Variants in ATP10B observed in about 807,000 individuals in gnomAD.
The protein encoded by ATP10B is ATPase phospholipid transporting 10B (putative).
A neutral mutation model predicts 141.2 loss-of-function variants in ATP10B; 122 were observed. The ratio of observed to expected loss-of-function variants is 0.86; its 90% confidence interval spans 0.75 to 1.00. ATP10B has a LOEUF of 1.00. Ranked by LOEUF, ATP10B falls within the 50% of genes least tolerant of loss-of-function variation. ATP10B has a pLI of 0.00. For synonymous variants in ATP10B, 685 were observed against 692.0 expected (o/e 0.99, Z 0.16); for missense variants, 1,876 against 1,825.3 (o/e 1.03, Z -0.51).
intron 22 of ATP10B, 112 bp from the exon 23 acceptor site, chr5:160,591,251 CT>C: frequency 1.3e-6 from 1 of 769,752 alleles, no homozygotes; most frequent in Admixed American, 2.7e-5. Context: ...TACAATGCCT[CT>C]TGTATTTGTG....
At chr5:160,662,299 C>A (rs62390686) in intron 7 of ATP10B, among the ~76,000 whole-genome samples, 26 of 151,666 alleles carry the variant, frequency 1.7e-4, no homozygotes, top group South Asian at 4.2e-4. Context: ...AAACTACTTT[C>A]AAGTTCATAT....
chr5:160,880,065 AT>A, the ATP10B span, among the ~76,000 whole-genome samples: 2 of 150,906 alleles, frequency 1.3e-5, no homozygotes, highest in African/African-American at 4.8e-5. Context: ...ATCTATGTGT[AT>A]AAATCACATA....
chr5:160,574,535 G>GAAAAACAAAT (rs1182402831), intron 24 of ATP10B, among the ~76,000 whole-genome samples: 2 of 152,168 alleles, frequency 1.3e-5, no homozygotes, highest in Non-Finnish European at 2.9e-5. Flanking sequence ...TTATAGCCAT[G>GAAAAACAAAT]AAAAACAAAT....
At chr5:160,706,505 G>T (rs893802708) in intron 3 of ATP10B, among the ~76,000 whole-genome samples, 10 of 152,186 alleles carry the variant, frequency 6.6e-5, no homozygotes, top group East Asian at 5.8e-4. Flanking sequence ...TCCCCACTGT[G>T]CATCCCAGAC....
At chr5:160,706,829 G>A (rs4921313) in intron 3 of ATP10B, among the ~76,000 whole-genome samples, 75,021 of 151,984 alleles carry the variant, frequency 0.49, 19,746 homozygotes, top group Middle Eastern at 0.65. Context: ...AAATTAGAAA[G>A]TATTTCAAAT....
chr5:160,894,870 A>G, the ATP10B span, among the ~76,000 whole-genome samples: 1 of 152,240 alleles, frequency 6.6e-6, no homozygotes, highest in Admixed American at 6.5e-5. Context: ...CAGAAAAACT[A>G]CAAGCCAGAA....
intron 3 of ATP10B, chr5:160,691,853 T>C (rs547117175): frequency 6.6e-6 from 1 of 152,332 alleles, no homozygotes; most frequent in South Asian, 2.1e-4. Context: ...CGGATGCCTA[T>C]CATAATGTGA....
intron 2 of ATP10B, among the ~76,000 whole-genome samples, chr5:160,728,851 AAGCCCCTGGAATG>A (rs1766542197): frequency 6.6e-6 from 1 of 152,210 alleles, no homozygotes; most frequent in Non-Finnish European, 1.5e-5. Flanking sequence ...TTTGAGTAAC[AAGCCCCTGGAATG>A]AGCCACTACT....
chr5:160,745,296 T>C (rs1201086488), intron 2 of ATP10B, among the ~76,000 whole-genome samples: 1 of 152,240 alleles, frequency 6.6e-6, no homozygotes, highest in Non-Finnish European at 1.5e-5. Context: ...TATTTTCATA[T>C]GGAGTTTTTA....
chr5:160,800,051 G>C (rs926908438), intron 1 of ATP10B, among the ~76,000 whole-genome samples: 1 of 152,176 alleles, frequency 6.6e-6, no homozygotes, highest in Non-Finnish European at 1.5e-5. Flanking sequence ...GCAAGCTAAG[G>C]AACACCAAGG....
chr5:160,761,653 C>A (rs2127840693), intron 2 of ATP10B, among the ~76,000 whole-genome samples: 1 of 152,228 alleles, frequency 6.6e-6, no homozygotes, highest in Non-Finnish European at 1.5e-5. Context: ...AAAAGTAATT[C>A]TGGTAATATG....
rs1764964208 is a variant in ATP10B at position 160,705,532 on chromosome 5, G to T, written c.-205+11377C>A. Reference sequence around the variant, plus strand: ...GATTACAATCTGCCCAACACTTTGGGATTACAGGTGTGAGCCACCATGCCC... The same window carrying T: ...GATTACAATCTGCCCAACACTTTGGTATTACAGGTGTGAGCCACCATGCCC... On this transcript the variant is annotated intron_variant, in intron 3 of 25. Coordinates refer to ENST00000327245, the MANE Select transcript of ATP10B (RefSeq NM_025153.3). Among the ~76,000 whole-genome samples the T allele has an allele frequency of 2.0e-5, 3 of 152,146 alleles. No homozygotes were observed. In the South Asian group the frequency reaches 6.2e-4, roughly 32 times the overall value.
chr5:160,630,697 T>TA (rs72092006), intron 13 of ATP10B, among the ~76,000 whole-genome samples: 12 of 152,144 alleles, frequency 7.9e-5, no homozygotes, highest in African/African-American at 9.6e-5. Flanking sequence ...TTTGGGAAAA[T>TA]AAAAAAAACC....
At chr5:160,868,126 G>A in the ATP10B span, among the ~76,000 whole-genome samples, 4 of 151,998 alleles carry the variant, frequency 2.6e-5, no homozygotes, top group African/African-American at 7.2e-5. Flanking sequence ...GTGAAGCTCC[G>A]GTACAAAAAC....
chr5:160,878,663 T>G, the ATP10B span, among the ~76,000 whole-genome samples: 2 of 152,118 alleles, frequency 1.3e-5, no homozygotes, highest in Non-Finnish European at 2.9e-5. Flanking sequence ...ATCCACAATC[T>G]ACAATGAACT....
At chr5:160,755,251 G>A (rs529879407) in intron 2 of ATP10B, among the ~76,000 whole-genome samples, 6 of 149,344 alleles carry the variant, frequency 4.0e-5, no homozygotes, top group South Asian at 2.1e-4. Context: ...CAGATCTCCT[G>A]AGAACTCACT....
the ATP10B span, among the ~76,000 whole-genome samples, chr5:160,915,839 G>A: frequency 6.6e-6 from 1 of 152,110 alleles, no homozygotes; most frequent in Non-Finnish European, 1.5e-5. Context: ...ACACACCTTT[G>A]CACACACATA....
chr5:160,592,427 G>A (rs1756372623), intron 22 of ATP10B, among the ~76,000 whole-genome samples: 1 of 152,154 alleles, frequency 6.6e-6, no homozygotes, highest in Non-Finnish European at 1.5e-5. Flanking sequence ...AGAAATAATT[G>A]GGGCAGCCAA....
chr5:160,688,937 G>T lies in ATP10B; in HGVS notation c.-198C>A. 1 of 985,366 alleles carries T rather than the reference G, an allele frequency of 1.0e-6. No homozygotes were observed. The highest frequency in any genetic ancestry group is 1.2e-6 in the Non-Finnish European group (1 of 829,930). 61.0% of individuals were successfully genotyped at this position (985,366 alleles called of 1,614,324 possible). A position where few individuals can be genotyped will look rare whatever the true frequency, so the allele number is the denominator to read the frequency against. ...CTTTTCTTTTTCTCCACTCCATTTG[G>T]TGGTTTCTGAAACCAAGTACTTGAT... On this transcript the variant is annotated 5_prime_UTR_variant, in exon 4 of 26. Coordinates refer to ENST00000327245, the MANE Select transcript of ATP10B (RefSeq NM_025153.3).
Sources: allele counts gnomAD v4.1 joint callset (sites outside exome capture counted in the v4.1 genomes callset), GRCh38; gene constraint gnomAD v4.1.1; transcripts MANE v1.5; gene names NCBI Gene and HGNC (gene_info 2026-07-23, HGNC 2026-07-21).